DIS3L2: variants seen among roughly 807,000 people sequenced by gnomAD.
The protein encoded by DIS3L2 is DIS3 like 3'-5' exoribonuclease 2, also known as DIS3-like exonuclease 2.
Under a neutral mutation model 97.5 loss-of-function variants are expected in DIS3L2, and 34 were observed. That is an observed-to-expected ratio of 0.35 (90% CI 0.27 to 0.46). DIS3L2 has a LOEUF of 0.46. Ranked by LOEUF, DIS3L2 falls within the 20% of genes least tolerant of loss-of-function variation. DIS3L2 has a pLI of 1.00. For missense variants in DIS3L2, 1,038 were observed against 1,146.0 expected (o/e 0.91, Z 1.36); for synonymous variants, 435 against 445.2 (o/e 0.98, Z 0.29).
At position 232,268,269 on chromosome 2, in the gene DIS3L2, A is replaced by G. The variant is rs1387707366; in HGVS notation, c.1659+4829A>G. Among the ~76,000 whole-genome samples the G allele has an allele frequency of 1.3e-5, 2 of 152,204 alleles. No homozygotes were observed. The highest frequency in any genetic ancestry group is 2.9e-5 in the Non-Finnish European group (2 of 68,036). ...CACAACTGCATCTTGTATAAATCCT[A>G]CTTGGTGCAATTTTGAAACCCAAAC... On this transcript the variant is annotated intron_variant, in intron 13 of 20. Transcript: ENST00000325385. This position sits in a 1 kb window ranked among gnomAD's most constrained non-coding sequence, Gnocchi z 4.1.
intron 7 of DIS3L2, chr2:232,131,764 A>G (rs1359346464): frequency 2.6e-5 from 4 of 152,124 alleles, no homozygotes; most frequent in South Asian, 2.1e-4. Flanking sequence ...TTGCTCTTGC[A>G]TACTGACATG....
intron 9 of DIS3L2, among the ~76,000 whole-genome samples, chr2:232,186,751 T>C (rs1691447523): frequency 6.6e-6 from 1 of 152,228 alleles, no homozygotes. Flanking sequence ...GTATGATTTA[T>C]TCCAGGCATT....
intron 5 of DIS3L2, among the ~76,000 whole-genome samples, chr2:232,056,096 C>T (rs1357855567): frequency 3.3e-5 from 5 of 152,082 alleles, no homozygotes; most frequent in Admixed American, 6.5e-5. Flanking sequence ...ATAGGCCAGG[C>T]GTGATGCCTT....
At position 232,325,652 on chromosome 2, in the gene DIS3L2, G is replaced by A. The variant is rs1695550561; in HGVS notation, c.1740-4161G>A. On this transcript the variant is annotated intron_variant, in intron 14 of 20. Coordinates refer to ENST00000325385, the MANE Select transcript of DIS3L2 (RefSeq NM_152383.5). This position sits in a 1 kb window ranked among gnomAD's most constrained non-coding sequence, Gnocchi z 4.6. ...GGCCCTGGTGGTGCAGGTTCCAGAC[G>A]CTTGGCTGATGCCAGGCCTGGATCC... Among the ~76,000 whole-genome samples, 1 of 152,198 alleles carries A rather than the reference G, an allele frequency of 6.6e-6. No individual in the cohort carries two copies. The highest frequency in any genetic ancestry group is 2.4e-5 in the African/African-American group (1 of 41,462).
rs538507867 is a variant in DIS3L2 at position 231,965,003 on chromosome 2, C to T, written c.-94+3238C>T. Among the ~76,000 whole-genome samples, 5 of 152,250 alleles carry T rather than the reference C, an allele frequency of 3.3e-5. No homozygotes were observed. In the East Asian group the frequency reaches 5.8e-4, roughly 18 times the overall value. On this transcript the variant is annotated intron_variant, in intron 1 of 20. Transcript: ENST00000325385. ...TGGGAAATAGTTCCATGTGGCATTT[C>T]GAAGTTCTTATTTAATGCTTTCAGG... is the stretch of plus-strand genomic sequence containing the variant.
At chr2:232,017,892 A>G (rs1183578778) in intron 3 of DIS3L2, among the ~76,000 whole-genome samples, 4 of 152,052 alleles carry the variant, frequency 2.6e-5, no homozygotes, top group Non-Finnish European at 5.9e-5. Flanking sequence ...TTTATTCTAA[A>G]CTTAACACCA....
intron 1 of DIS3L2, among the ~76,000 whole-genome samples, chr2:231,980,391 A>G (rs1203286261): frequency 6.6e-6 from 1 of 151,504 alleles, no homozygotes; most frequent in Non-Finnish European, 1.5e-5. Context: ...ATTTTTTTTC[A>G]TTTGATTTTT....
At chr2:232,044,187 TCA>T (rs1695178991) in intron 5 of DIS3L2, among the ~76,000 whole-genome samples, 1 of 151,932 alleles carries the variant, frequency 6.6e-6, no homozygotes, top group Non-Finnish European at 1.5e-5. Flanking sequence ...CACTGGGGAG[TCA>T]CTGAATGATT....
intron 1 of DIS3L2, among the ~76,000 whole-genome samples, chr2:232,012,407 T>C (rs11695556): frequency 0.014 from 2,205 of 152,254 alleles, 23 homozygotes; most frequent in Non-Finnish European, 0.021. Context: ...TCTGTCCCCT[T>C]GTCTCACTTA....
chr2:232,195,425 G>T (rs1018370110), intron 9 of DIS3L2, among the ~76,000 whole-genome samples: 5 of 151,994 alleles, frequency 3.3e-5, no homozygotes, highest in African/African-American at 1.2e-4. Flanking sequence ...AGAGGCTAGG[G>T]TTTTTAAAAG....
At chr2:232,163,414 C>T in intron 8 of DIS3L2, 45 bp from the exon 9 acceptor site, 1 of 1,587,526 alleles carries the variant, frequency 6.3e-7, no homozygotes, top group Non-Finnish European at 8.6e-7. Context: ...ACCTATGTTC[C>T]ATTTGTTTGC....
At chr2:232,284,805 C>A (rs1694383918) in intron 13 of DIS3L2, among the ~76,000 whole-genome samples, 1 of 152,228 alleles carries the variant, frequency 6.6e-6, no homozygotes, top group African/African-American at 2.4e-5. Flanking sequence ...ATTCTCTAAG[C>A]TCCCTCAGTA....
chr2:232,006,279 T>C (rs1467645937), intron 1 of DIS3L2, among the ~76,000 whole-genome samples: 2 of 152,172 alleles, frequency 1.3e-5, no homozygotes, highest in Non-Finnish European at 2.9e-5. Context: ...GATTCGTGAG[T>C]GAGAGACCTG....
At chr2:232,188,858 A>G (rs1691524488) in intron 9 of DIS3L2, among the ~76,000 whole-genome samples, 1 of 152,222 alleles carries the variant, frequency 6.6e-6, no homozygotes, top group Non-Finnish European at 1.5e-5. Flanking sequence ...AGAGACTAGT[A>G]TCTAGAGTAC....
intron 3 of DIS3L2, among the ~76,000 whole-genome samples, chr2:232,023,873 A>G (rs1421278636): frequency 6.7e-6 from 1 of 148,952 alleles, no homozygotes; most frequent in African/African-American, 2.6e-5. Flanking sequence ...GCAATTGTGG[A>G]AAGGTCTTGG....
At chr2:232,054,210 A>G (rs993785710) in intron 5 of DIS3L2, among the ~76,000 whole-genome samples, 3 of 152,178 alleles carry the variant, frequency 2.0e-5, no homozygotes, top group Non-Finnish European at 4.4e-5. Context: ...TGATGCGACA[A>G]TTCATTCAAC....
chr2:232,253,831 G>T (rs983284943), intron 12 of DIS3L2, among the ~76,000 whole-genome samples: 1 of 152,192 alleles, frequency 6.6e-6, no homozygotes, highest in Admixed American at 6.5e-5. Context: ...CTCTTGGGAA[G>T]TAACAGAGAG....
chr2:232,201,015 T>C (rs978803969), intron 9 of DIS3L2, among the ~76,000 whole-genome samples: 4 of 152,218 alleles, frequency 2.6e-5, no homozygotes, highest in African/African-American at 9.6e-5. Flanking sequence ...CCTCAGGTGA[T>C]CTGCCCGCCT....
intron 12 of DIS3L2, among the ~76,000 whole-genome samples, chr2:232,259,448 T>G (rs1333850155): frequency 6.6e-6 from 1 of 152,072 alleles, no homozygotes; most frequent in Non-Finnish European, 1.5e-5. Context: ...TGGCTCCTGG[T>G]CAGGGCCAGC....
Sources: gnomAD v4.1 joint callset for allele counts (sites outside exome capture counted in the v4.1 genomes callset) on GRCh38, gnomAD v4.1.1 for gene constraint, Gnocchi (gnomAD v3.1) non-coding constraint, MANE v1.5 for transcripts, NCBI Gene and HGNC (gene_info 2026-07-23, HGNC 2026-07-21) for gene names.